The following BAZ2B variants were observed in gnomAD, a reference collection of about 807,000 sequenced individuals.
BAZ2B encodes the protein bromodomain adjacent to zinc finger domain protein 2B.
In BAZ2B, 91 loss-of-function variants were observed where a neutral mutation model predicts 246.0. The observed-to-expected ratio is 0.37, with a 90% CI of 0.31 to 0.44. The LOEUF is 0.44. BAZ2B is among the 20% of genes least tolerant of loss of function. BAZ2B has a pLI of 1.00. For synonymous variants in BAZ2B, 855 were observed against 860.0 expected (o/e 0.99, Z 0.10); for missense variants, 2,332 against 2,533.7 (o/e 0.92, Z 1.71).
the BAZ2B span, among the ~76,000 whole-genome samples, chr2:159,680,690 A>C: frequency 3.9e-5 from 6 of 152,222 alleles, no homozygotes; most frequent in Non-Finnish European, 8.8e-5. Flanking sequence ...ATTTGAAACT[A>C]CAGGTAGCTG....
At position 159,428,380 on chromosome 2, in the gene BAZ2B, G is replaced by A; in HGVS notation, c.2295C>T (p.Arg765=). The A allele has an allele frequency of 6.2e-7, 1 of 1,613,172 alleles. No individual in the cohort carries two copies. The highest frequency in any genetic ancestry group is 8.5e-7 in the Non-Finnish European group (1 of 1,179,588). ...RETRIRNFGG[R]LQGEVAYYAP... is the part of the protein sequence containing the mutation. ...CATAATATGCTACTTCTCCTTGAAG[G>A]CGCCCTCCAAAGTTTCTTATTCTTG... The change falls in exon 12 of 37, where the codon CGC becomes CGT. Residue 765 remains arginine (R), a synonymous_variant. Transcript: ENST00000392783.
intron 3 of BAZ2B, chr2:159,462,882 T>C: frequency 6.2e-7 from 1 of 1,603,098 alleles, no homozygotes; most frequent in Non-Finnish European, 8.5e-7. Flanking sequence ...TAAAGCACTG[T>C]CACAGGATTC....
intron 3 of BAZ2B, among the ~76,000 whole-genome samples, chr2:159,454,265 C>T (rs1379308784): frequency 1.3e-5 from 2 of 152,164 alleles, no homozygotes; most frequent in Admixed American, 6.5e-5. Context: ...GCAAGGCCAT[C>T]CCAGTTTCAA....
intron 1 of BAZ2B, among the ~76,000 whole-genome samples, chr2:159,573,615 T>C (rs151208853): frequency 6.6e-6 from 1 of 152,308 alleles, no homozygotes; most frequent in East Asian, 1.9e-4. Context: ...AATGTTTACT[T>C]AGATATGGCA....
chr2:159,586,179 G>A (rs895249628), intron 1 of BAZ2B, among the ~76,000 whole-genome samples: 3 of 152,030 alleles, frequency 2.0e-5, no homozygotes, highest in Non-Finnish European at 2.9e-5. Flanking sequence ...TTAATTTATT[G>A]ATAATCTATA....
chr2:159,604,712 T>C (rs1041946563), intron 1 of BAZ2B, among the ~76,000 whole-genome samples: 2 of 152,100 alleles, frequency 1.3e-5, no homozygotes, highest in African/African-American at 4.8e-5. Flanking sequence ...GAATACAATA[T>C]CACATGAAAA....
the BAZ2B span, chr2:159,689,845 T>C: frequency 6.2e-6 from 3 of 486,710 alleles, no homozygotes; most frequent in South Asian, 2.4e-5. Flanking sequence ...TTTGGCAGAA[T>C]TGCTGGTACT....
At chr2:159,449,818 A>T (rs1422656058) in intron 4 of BAZ2B, among the ~76,000 whole-genome samples, 1 of 152,224 alleles carries the variant, frequency 6.6e-6, no homozygotes, top group Non-Finnish European at 1.5e-5. Context: ...GTATCAGCAC[A>T]GTCACAATCT....
At chr2:159,351,918 C>T (rs1239691175) in intron 27 of BAZ2B, among the ~76,000 whole-genome samples, 3 of 152,204 alleles carry the variant, frequency 2.0e-5, no homozygotes, top group Admixed American at 6.5e-5. Flanking sequence ...TCTATTTCTA[C>T]ACTTCAGGGG....
chr2:159,591,600 G>A (rs549848692), intron 1 of BAZ2B, among the ~76,000 whole-genome samples: 13 of 152,108 alleles, frequency 8.5e-5, no homozygotes, highest in African/African-American at 3.1e-4. Flanking sequence ...AATACTCAAA[G>A]GGAGGACCTT....
chr2:159,357,454 A>C (rs2059234322), intron 27 of BAZ2B, among the ~76,000 whole-genome samples: 1 of 152,118 alleles, frequency 6.6e-6, no homozygotes, highest in Non-Finnish European at 1.5e-5. Context: ...CAAAGCTTCC[A>C]AGAAATATGG....
chr2:159,456,829 A>G (rs1346013), intron 3 of BAZ2B, among the ~76,000 whole-genome samples: 66,989 of 151,918 alleles, frequency 0.44, 15,306 homozygotes, highest in Middle Eastern at 0.57. Flanking sequence ...CACTTATCAT[A>G]ATTGTAGTAA....
chr2:159,317,812 C>T (rs2062267905), downstream of BAZ2B, among the ~76,000 whole-genome samples: 1 of 151,584 alleles, frequency 6.6e-6, no homozygotes, highest in African/African-American at 2.4e-5. Context: ...AGAATAAGCC[C>T]AACCAAGGGC....
chr2:159,537,794 A>C (rs962752174), intron 2 of BAZ2B, among the ~76,000 whole-genome samples: 5 of 152,078 alleles, frequency 3.3e-5, no homozygotes, highest in Non-Finnish European at 5.9e-5. Flanking sequence ...TTCTTTGCTT[A>C]TGCCTTTTTG....
rs962064808 is a variant in BAZ2B at position 159,608,118 on chromosome 2, T to C, written c.-46+8124A>G. Among the ~76,000 whole-genome samples, 3 of 152,252 alleles carry C rather than the reference T, an allele frequency of 2.0e-5. No homozygotes were observed. The East Asian group carries it at 5.8e-4, about 29-fold the overall frequency. On this transcript the variant is annotated intron_variant, in intron 1 of 36. Coordinates refer to ENST00000392783, the MANE Select transcript of BAZ2B (RefSeq NM_013450.4). The stretch of plus-strand genomic sequence containing the variant: ...GGCCAGGCGTGGTGGCTCATGCCTG[T>C]AATCCCAGCACTTTGAGAGGCCAAG...
chr2:159,694,773 T>C, the BAZ2B span: 2 of 152,260 alleles, frequency 1.3e-5, no homozygotes, highest in African/African-American at 2.4e-5. Flanking sequence ...TTGACTACTA[T>C]GACATGAACA....
intron 1 of BAZ2B, among the ~76,000 whole-genome samples, chr2:159,591,506 T>C (rs909979249): frequency 2.0e-5 from 3 of 152,176 alleles, no homozygotes; most frequent in Admixed American, 6.5e-5. Flanking sequence ...AGTCAAAGTA[T>C]TGAATGGCAT....
intron 1 of BAZ2B, among the ~76,000 whole-genome samples, chr2:159,598,975 G>A (rs1214513948): frequency 6.6e-6 from 1 of 152,102 alleles, no homozygotes; most frequent in East Asian, 1.9e-4. Context: ...GGGTGTGGTG[G>A]CTCATGCCTG....
At chr2:159,678,776 G>T in the BAZ2B span, among the ~76,000 whole-genome samples, 1 of 152,276 alleles carries the variant, frequency 6.6e-6, no homozygotes, top group East Asian at 1.9e-4. Context: ...TCAGGATACA[G>T]AACACCTCTA....
Sources: allele counts gnomAD v4.1 joint callset (sites outside exome capture counted in the v4.1 genomes callset), GRCh38; gene constraint gnomAD v4.1.1; transcripts MANE v1.5; gene names NCBI Gene and HGNC (gene_info 2026-07-23, HGNC 2026-07-21).